Variants in WWOX observed in about 807,000 individuals in gnomAD.
WWOX encodes WW domain-containing oxidoreductase.
Under a neutral mutation model 46.2 loss-of-function variants are expected in WWOX, and 69 were observed. That is an observed-to-expected ratio of 1.49 (90% CI 1.23 to 1.82). The LOEUF is 1.82. Among genes scored for constraint, WWOX ranks in the 40% most tolerant of loss-of-function variants. The probability of loss-of-function intolerance (pLI) is 0.00; values close to 1 mark genes in which losing one functional copy is unlikely to be tolerated. For synonymous variants in WWOX, 359 were observed against 202.6 expected (o/e 1.77, Z -6.56); for missense variants, 919 against 542.6 (o/e 1.69, Z -6.89).
At chr16:78,494,816 C>T (rs1277378778) in intron 8 of WWOX, among the ~76,000 whole-genome samples, 1 of 152,180 alleles carries the variant, frequency 6.6e-6, no homozygotes, top group East Asian at 1.9e-4. Flanking sequence ...AGTCAAGATC[C>T]TATAGCCGGA....
chr16:79,139,571 G>C (rs2050048631), intron 8 of WWOX, among the ~76,000 whole-genome samples: 1 of 151,950 alleles, frequency 6.6e-6, no homozygotes, highest in Non-Finnish European at 1.5e-5. Context: ...GAAGTCACGT[G>C]GGCTTTTTCT....
chr16:78,802,224 T>G (rs1192259226), intron 8 of WWOX, among the ~76,000 whole-genome samples: 1 of 74,908 alleles, frequency 1.3e-5, no homozygotes, highest in Non-Finnish European at 3.1e-5. Context: ...TTTTTTTTTT[T>G]GGCTGGTGTT....
rs186403198 is a variant in WWOX at position 78,656,257 on chromosome 16, A to G, written c.1056+223505A>G. 3.0e-3 allele frequency among the ~76,000 whole-genome samples: 462 copies of G among 152,184 alleles called. 2 individuals are homozygous for G. The highest frequency in any genetic ancestry group is 0.011 in the African/African-American group (442 of 41,524). On this transcript the variant is annotated intron_variant, in intron 8 of 8. Transcript: ENST00000566780. Reference sequence around the variant, plus strand: ...CCCATCATCCTTCGGTGGTAGATCAATGCTATCTGATGAGGCCTTTTTTGG... The same window carrying G: ...CCCATCATCCTTCGGTGGTAGATCAGTGCTATCTGATGAGGCCTTTTTTGG...
intron 5 of WWOX, among the ~76,000 whole-genome samples, chr16:78,275,140 A>G (rs1260626001): frequency 1.3e-5 from 2 of 152,186 alleles, no homozygotes. Context: ...TAAAGAGAAG[A>G]TGTAATTATA....
intron 8 of WWOX, among the ~76,000 whole-genome samples, chr16:79,093,877 C>T (rs2049014834): frequency 6.6e-6 from 1 of 152,184 alleles, no homozygotes; most frequent in Admixed American, 6.5e-5. Flanking sequence ...GAGTGGGCCT[C>T]ACCGCAGCTT....
rs560428197 is a variant in WWOX at position 79,141,325 on chromosome 16, C to G, written c.1057-70283C>G. Among the ~76,000 whole-genome samples the G allele has an allele frequency of 4.8e-4, 73 of 152,326 alleles. 1 individual carries two copies. Among genetic ancestry groups the G allele is most frequent in the Middle Eastern group, 3.4e-3 (1 of 294 alleles). ...GCATATGTTGATTGATGTCTCATGTCTCCCTAGAATGTGTACAACCAAACT... is the reference window on the plus strand; with the variant it reads ...GCATATGTTGATTGATGTCTCATGTGTCCCTAGAATGTGTACAACCAAACT... On this transcript the variant is annotated intron_variant, in intron 8 of 8. Coordinates refer to ENST00000566780, the MANE Select transcript of WWOX (RefSeq NM_016373.4).
chr16:78,348,471 TA>T (rs2081130782), intron 5 of WWOX, among the ~76,000 whole-genome samples: 2 of 121,070 alleles, frequency 1.7e-5, no homozygotes, highest in South Asian at 4.9e-4. Context: ...TATTTTATTT[TA>T]GTTTTTTGAG....
chr16:78,907,742 C>T (rs2045003325), intron 8 of WWOX, among the ~76,000 whole-genome samples: 1 of 152,126 alleles, frequency 6.6e-6, no homozygotes, highest in African/African-American at 2.4e-5. Context: ...TAGATGGGGC[C>T]AGGAGGGTTT....
chr16:78,896,954 T>G (rs2044714311), intron 8 of WWOX: 1 of 151,856 alleles, frequency 6.6e-6, no homozygotes, highest in Admixed American at 6.6e-5. Context: ...AGGGCCAGGT[T>G]CAGTGGATCA....
rs2047440041 is a variant in WWOX, at chr16:79,017,457, A to AAAAAAAAAAAAAAAAAAAAAAT, written c.1057-194146_1057-194145insAAAAAAAAAAAAAAAATAAAAA. 1.3e-5 allele frequency: 2 copies of AAAAAAAAAAAAAAAAAAAAAAT among 149,544 alleles called. 1 individual carries two copies. Among genetic ancestry groups the AAAAAAAAAAAAAAAAAAAAAAT allele is most frequent in the Non-Finnish European group, 3.0e-5 (2 of 67,744 alleles). The allele number at this position is 149,544 out of a possible 1,614,324, so 9.3% of individuals were successfully genotyped here. ...AAAAAAAAAAAAAAAAAAAAAAAAA[A>AAAAAAAAAAAAAAAAAAAAAAT]AAAAAGAAAGAAAGAAATTACAGGT... On this transcript the variant is annotated intron_variant, in intron 8 of 8. Transcript: ENST00000566780.
chr16:78,695,181 A>G (rs1412364544), intron 8 of WWOX, among the ~76,000 whole-genome samples: 1 of 152,214 alleles, frequency 6.6e-6, no homozygotes, highest in Non-Finnish European at 1.5e-5. Flanking sequence ...AAGTACTGTT[A>G]AGGTATGAAA....
intron 8 of WWOX, among the ~76,000 whole-genome samples, chr16:78,542,667 A>G (rs2043926764): frequency 1.3e-5 from 2 of 152,240 alleles, no homozygotes; most frequent in South Asian, 4.1e-4. Flanking sequence ...CTGTGATTTT[A>G]TAAAAGACAC....
chr16:79,083,719 T>C (rs942107909), intron 8 of WWOX, among the ~76,000 whole-genome samples: 1 of 152,204 alleles, frequency 6.6e-6, no homozygotes, highest in African/African-American at 2.4e-5. Context: ...CACCCGGCCC[T>C]GAATTTGCTT....
rs1040774588 is a variant in WWOX at position 79,008,891 on chromosome 16, G to C, written c.1057-202717G>C. Among the ~76,000 whole-genome samples, 6 of 22,976 alleles carry C rather than the reference G, an allele frequency of 2.6e-4. No homozygotes were observed. The African/African-American group carries it at 5.2e-3, about 20-fold the overall frequency. The allele number at this position is 22,976 out of a possible 152,430, so 15.1% of individuals were successfully genotyped here. On this transcript the variant is annotated intron_variant, in intron 8 of 8. Coordinates refer to ENST00000566780, the MANE Select transcript of WWOX (RefSeq NM_016373.4). Reference sequence around the variant, plus strand: ...TGGAGCCACGTGTGTATAATGAGCAGCGCACACACACAAAGGCGAGCTAAA... The same window carrying C: ...TGGAGCCACGTGTGTATAATGAGCACCGCACACACACAAAGGCGAGCTAAA...
chr16:78,567,620 C>A (rs879560419), intron 8 of WWOX, among the ~76,000 whole-genome samples: 5 of 151,586 alleles, frequency 3.3e-5, no homozygotes, highest in South Asian at 2.1e-4. Flanking sequence ...CCAAGCTCGC[C>A]GCAGCCTGCT....
intron 1 of WWOX, among the ~76,000 whole-genome samples, chr16:78,104,445 A>G (rs951477144): frequency 6.6e-6 from 1 of 152,188 alleles, no homozygotes; most frequent in African/African-American, 2.4e-5. Flanking sequence ...TCGAGGCTGC[A>G]GTGGGCTATG....
At chr16:78,495,635 A>C (rs1223559101) in intron 8 of WWOX, among the ~76,000 whole-genome samples, 1 of 151,502 alleles carries the variant, frequency 6.6e-6, no homozygotes, top group Non-Finnish European at 1.5e-5. Context: ...CAACCTCCCG[A>C]GTAGCTGGGA....
chr16:78,442,584 T>C (rs2083468782), intron 8 of WWOX, among the ~76,000 whole-genome samples: 1 of 152,142 alleles, frequency 6.6e-6, no homozygotes, highest in South Asian at 2.1e-4. Context: ...TTACGATAAA[T>C]TGATTGCTTC....
intron 8 of WWOX, among the ~76,000 whole-genome samples, chr16:78,934,528 A>G (rs866539274): frequency 0.028 from 4,230 of 149,744 alleles, 220 homozygotes; most frequent in African/African-American, 0.098. Flanking sequence ...AAAAAAAAAA[A>G]AAAGAAACAC....
Sources: gnomAD v4.1 joint callset for allele counts (sites outside exome capture counted in the v4.1 genomes callset) on GRCh38, gnomAD v4.1.1 for gene constraint, MANE v1.5 for transcripts, NCBI Gene and HGNC (gene_info 2026-07-23, HGNC 2026-07-21) for gene names.